The following EFCAB6 variants were observed in gnomAD, a reference collection of about 807,000 sequenced individuals.
EFCAB6 encodes the protein EF-hand calcium-binding domain-containing protein 6.
In EFCAB6, 156 loss-of-function variants were observed where a neutral mutation model predicts 169.8. That is an observed-to-expected ratio of 0.92 (90% CI 0.81 to 1.05). The LOEUF (loss-of-function observed/expected upper bound fraction) is 1.05, where lower values mean the gene tolerates loss of function less well. Ranked by LOEUF, EFCAB6 falls within the 50% of genes least tolerant of loss-of-function variation. EFCAB6 has a pLI of 0.00. For missense variants in EFCAB6, 1,800 were observed against 1,829.1 expected, an observed-to-expected ratio of 0.98 and a Z score of 0.29; for synonymous variants, 698 against 676.4, an observed-to-expected ratio of 1.03 and a Z score of -0.50.
At chr22:43,576,532 T>C (rs1297442238) in intron 25 of EFCAB6, 44 bp from the exon 26 acceptor site, 3 of 1,475,110 alleles carry the variant, frequency 2.0e-6, no homozygotes, top group African/African-American at 1.4e-5. Flanking sequence ...TCCTGTCAAA[T>C]GAATACTTCT....
At chr22:43,548,400 C>T (rs1400135045) in intron 27 of EFCAB6, among the ~76,000 whole-genome samples, 2 of 149,546 alleles carry the variant, frequency 1.3e-5, no homozygotes, top group Non-Finnish European at 3.0e-5. Flanking sequence ...ATTAGCTGGG[C>T]GTGGTGGCAT....
intron 27 of EFCAB6, chr22:43,552,942 G>A (rs772871533): frequency 2.0e-5 from 3 of 152,104 alleles, no homozygotes; most frequent in South Asian, 2.1e-4. Context: ...CGGCTTTGAC[G>A]TGCAATGGGG....
chr22:43,714,718 A>T (rs1024794650), intron 9 of EFCAB6, among the ~76,000 whole-genome samples: 6 of 152,232 alleles, frequency 3.9e-5, no homozygotes, highest in African/African-American at 1.4e-4. Context: ...GTTGCTGTTC[A>T]AATATAAAAG....
At position 43,600,259 on chromosome 22, in the gene EFCAB6, C is replaced by T. The variant is rs529248315; in HGVS notation, c.2686G>A (p.Asp896Asn). The T allele has an allele frequency of 5.0e-5, 81 of 1,613,350 alleles. No homozygotes were observed. The East Asian group carries it at 1.4e-3, about 29-fold the overall frequency. ...REFEKLWARY[D>N]TEGKGHITYQ... ...GTAATGTGCCCTTTTCCCTCGGTGT[C>T]GTATCTTAAAACAAAAACAAAAACA... The change falls in exon 23 of 32, where the codon GAC becomes AAC. Residue 896 changes from aspartate to asparagine, a missense_variant. Physicochemically the swap from Asp to Asn is conservative, Grantham distance 23. Coordinates refer to ENST00000262726, the MANE Select transcript of EFCAB6 (RefSeq NM_022785.4).
At chr22:43,695,601 C>T (rs2147221140) in intron 10 of EFCAB6, among the ~76,000 whole-genome samples, 1 of 152,148 alleles carries the variant, frequency 6.6e-6, no homozygotes, top group East Asian at 1.9e-4. Flanking sequence ...TCTTTAGCTA[C>T]AGTAATCAAG....
intron 8 of EFCAB6, among the ~76,000 whole-genome samples, chr22:43,728,371 T>C (rs894966819): frequency 6.6e-6 from 1 of 152,240 alleles, no homozygotes; most frequent in Admixed American, 6.5e-5. Context: ...GCAATAAACA[T>C]ACATGTGCAT....
At chr22:43,720,313 C>T (rs1355088041) in intron 8 of EFCAB6, among the ~76,000 whole-genome samples, 1 of 150,428 alleles carries the variant, frequency 6.6e-6, no homozygotes, top group African/African-American at 2.5e-5. Context: ...TCAAGACCAG[C>T]ATGGGCAACA....
At chr22:43,671,163 G>GT (rs903260707) in intron 15 of EFCAB6, among the ~76,000 whole-genome samples, 4 of 152,028 alleles carry the variant, frequency 2.6e-5, no homozygotes, top group African/African-American at 9.7e-5. Flanking sequence ...CTGCAAAGTG[G>GT]TTTTTTTGTT....
chr22:43,673,323 C>CTA (rs2057575535), intron 13 of EFCAB6, among the ~76,000 whole-genome samples: 1 of 152,034 alleles, frequency 6.6e-6, no homozygotes, highest in Admixed American at 6.6e-5. Context: ...AAAACATATT[C>CTA]TTTGACCCAA....
At chr22:43,686,593 G>A (rs1190739603) in intron 11 of EFCAB6, among the ~76,000 whole-genome samples, 1 of 150,970 alleles carries the variant, frequency 6.6e-6, no homozygotes, top group Non-Finnish European at 1.5e-5. Context: ...TTCACATAAC[G>A]AATGAACTCA....
At chr22:43,555,141 A>G (rs753997375) in intron 26 of EFCAB6, 45 bp from the exon 27 acceptor site, 2 of 1,600,682 alleles carry the variant, frequency 1.2e-6, no homozygotes, top group South Asian at 2.2e-5. Flanking sequence ...GAAATAATCG[A>G]CCACCTCTTG....
In EFCAB6 at chr22:43,608,538, T is replaced by A. The variant is rs1172241600; in HGVS notation, c.2625A>T (p.Ala875=). ...TGAGGGGAATATCAAAACCGTACAG[T>A]GCGTTCTTTATGTCCCGGCGTCGAA... ...GILRRRDIKN[A]LYGFDIPLTP... is the part of the protein sequence containing the mutation. Residue 875 remains alanine, a synonymous_variant, in exon 22 of 32, where the codon GCA becomes GCT. Transcript: ENST00000262726. The A allele has an allele frequency of 1.9e-6, 3 of 1,614,182 alleles. No individual in the cohort carries two copies. The highest frequency in any genetic ancestry group is 2.2e-5 in the East Asian group (1 of 44,878).
intron 17 of EFCAB6, among the ~76,000 whole-genome samples, chr22:43,650,622 G>A (rs1294107027): frequency 2.0e-5 from 3 of 152,218 alleles, no homozygotes; most frequent in Non-Finnish European, 4.4e-5. Flanking sequence ...CTGGGTAACA[G>A]GCAGAGGTTG....
chr22:43,654,062 C>T (rs963857712), intron 17 of EFCAB6, among the ~76,000 whole-genome samples: 1 of 151,806 alleles, frequency 6.6e-6, no homozygotes, highest in Non-Finnish European at 1.5e-5. Flanking sequence ...AGTCACAAAA[C>T]AAACAGAAAA....
At chr22:43,740,647 A>C (rs543285723) in intron 6 of EFCAB6, among the ~76,000 whole-genome samples, 4 of 152,326 alleles carry the variant, frequency 2.6e-5, no homozygotes, top group Admixed American at 1.3e-4. Flanking sequence ...CAACCAAAGA[A>C]CATTGGCTAA....
intron 21 of EFCAB6, among the ~76,000 whole-genome samples, chr22:43,610,119 C>T (rs1490712586): frequency 6.6e-6 from 1 of 152,050 alleles, no homozygotes; most frequent in Non-Finnish European, 1.5e-5. Flanking sequence ...TTCATGACTC[C>T]AGAGTAGAAT....
At chr22:43,607,237 G>T (rs1393366248) in intron 22 of EFCAB6, among the ~76,000 whole-genome samples, 2 of 152,266 alleles carry the variant, frequency 1.3e-5, no homozygotes, top group East Asian at 3.9e-4. Context: ...GAACAAGAAT[G>T]TCTCCTTCTC....
intron 26 of EFCAB6, among the ~76,000 whole-genome samples, chr22:43,574,590 T>C (rs1294635485): frequency 6.6e-6 from 1 of 151,922 alleles, no homozygotes; most frequent in East Asian, 1.9e-4. Context: ...TTTTTACGTA[T>C]ATTTTTTGCA....
intron 5 of EFCAB6, among the ~76,000 whole-genome samples, 174 bp from the exon 6 acceptor site, chr22:43,756,006 C>G (rs2060944647): frequency 6.6e-6 from 1 of 152,044 alleles, no homozygotes; most frequent in Non-Finnish European, 1.5e-5. Context: ...ACTTTGTTTC[C>G]CCTGGCCTGT....
Sources: gnomAD v4.1 joint callset for allele counts (sites outside exome capture counted in the v4.1 genomes callset) on GRCh38, gnomAD v4.1.1 for gene constraint, MANE v1.5 for transcripts, NCBI Gene and HGNC (gene_info 2026-07-23, HGNC 2026-07-21) for gene names.